The following TLK2 variants were observed in gnomAD, a reference collection of about 807,000 sequenced individuals.
TLK2 encodes the protein serine/threonine-protein kinase tousled-like 2.
In TLK2, 6 loss-of-function variants were observed where a neutral mutation model predicts 117.3. The ratio of observed to expected loss-of-function variants is 0.05; its 90% CI spans 0.03 to 0.10. The LOEUF (loss-of-function observed/expected upper bound fraction) is 0.10, where lower values mean the gene tolerates loss of function less well. Among genes scored for constraint, TLK2 ranks in the 10% least tolerant of loss-of-function variants. The pLI is 1.00. For synonymous variants in TLK2, 257 were observed against 316.7 expected, an observed-to-expected ratio of 0.81 and a Z score of 2.00; for missense variants, 299 against 901.2, an observed-to-expected ratio of 0.33 and a Z score of 8.56.
intron 2 of TLK2, among the ~76,000 whole-genome samples, chr17:62,503,637 T>TTAAACTCC (rs1490361366): frequency 6.6e-6 from 1 of 152,040 alleles, no homozygotes; most frequent in Non-Finnish European, 1.5e-5. Flanking sequence ...CAGGCTGCTC[T>TTAAACTCC]TAAACTCCTG....
rs538734262 is a variant in TLK2, at chr17:62,575,240, T to C, written c.1122-1469T>C. The stretch of plus-strand genomic sequence containing the variant: ...TTCAGTCCAGTTTTTAATTAGAGTA[T>C]CTGTGACTTGGCTCTTACTTTGACC... On this transcript the variant is annotated intron_variant, in intron 12 of 21. Coordinates refer to ENST00000346027, the MANE Select transcript of TLK2 (RefSeq NM_006852.6). Among the ~76,000 whole-genome samples, 4 of 152,356 alleles carry C rather than the reference T, an allele frequency of 2.6e-5. No individual in the cohort carries two copies. The South Asian group carries it at 8.3e-4, about 32-fold the overall frequency.
At chr17:62,546,308 C>T (rs138000457) in intron 7 of TLK2, among the ~76,000 whole-genome samples, 1 of 147,770 alleles carries the variant, frequency 6.8e-6, no homozygotes, top group African/African-American at 2.5e-5. Context: ...CCACTGCACC[C>T]GGCTGAGAAA....
rs571688985 is a variant in TLK2 at position 62,483,208 on chromosome 17, G to A, written c.81+2002G>A. Among the ~76,000 whole-genome samples the A allele has an allele frequency of 7.9e-5, 9 of 113,430 alleles. No homozygotes were observed. In the East Asian group the frequency reaches 1.3e-3, roughly 17 times the overall value. The allele number at this position is 113,430 out of a possible 152,430, so 74.4% of individuals were successfully genotyped here. A position where few individuals can be genotyped will look rare whatever the true frequency, so the allele number is the denominator to read the frequency against. ...AATGGTCCCCCCACCCCCGCCTCCC[G>A]TAAGTCAGTAAGTTTGTATTCAAAT... On this transcript the variant is annotated intron_variant, in intron 2 of 21. Coordinates refer to ENST00000346027, the MANE Select transcript of TLK2 (RefSeq NM_006852.6).
chr17:62,608,213 G>A, intron 21 of TLK2, 65 bp downstream of exon 21: 2 of 1,263,040 alleles, frequency 1.6e-6, no homozygotes, highest in Non-Finnish European at 2.3e-6. Flanking sequence ...TACTTTTTTG[G>A]GTAATAGTGG....
At chr17:62,557,051 A>T (rs1447965225) in intron 9 of TLK2, among the ~76,000 whole-genome samples, 1 of 152,194 alleles carries the variant, frequency 6.6e-6, no homozygotes, top group Non-Finnish European at 1.5e-5. Flanking sequence ...CAGCCTCCTG[A>T]ATAGCTGGGA....
At chr17:62,591,429 G>T (rs1203622491) in intron 16 of TLK2, among the ~76,000 whole-genome samples, 1 of 151,670 alleles carries the variant, frequency 6.6e-6, no homozygotes, top group African/African-American at 2.4e-5. Flanking sequence ...CATTTGCTGA[G>T]TGTCTGCAGC....
At position 62,491,820 on chromosome 17, in the gene TLK2, A is replaced by G. The variant is rs143890249; in HGVS notation, c.81+10614A>G. ...AGGATGGTCTCGATCTCCTGACCTC[A>G]TGATCCACCCGTCTTGGCCTCCCAA... On this transcript the variant is annotated intron_variant, in intron 2 of 21. Transcript: ENST00000346027. Among the ~76,000 whole-genome samples the G allele has an allele frequency of 1.7e-3, 259 of 152,288 alleles. 8 individuals carry two copies. In the East Asian group the frequency reaches 0.042, roughly 25 times the overall value.
chr17:62,476,844 G>A (rs573689364), upstream of TLK2, among the ~76,000 whole-genome samples: 4 of 152,090 alleles, frequency 2.6e-5, no homozygotes, highest in African/African-American at 9.6e-5. Context: ...CACTTTGGGA[G>A]GCTGAGATGG....
intron 14 of TLK2, among the ~76,000 whole-genome samples, chr17:62,579,058 G>T (rs1050197339): frequency 1.3e-5 from 2 of 152,118 alleles, no homozygotes. Context: ...ATTGAAACTG[G>T]GAAAAGTAGG....
chr17:62,561,627 A>T (rs1289893569), intron 10 of TLK2, among the ~76,000 whole-genome samples: 3 of 152,240 alleles, frequency 2.0e-5, no homozygotes, highest in Non-Finnish European at 2.9e-5. Context: ...AATGTTGTTA[A>T]AAAGACAGGA....
intron 12 of TLK2, among the ~76,000 whole-genome samples, chr17:62,574,767 C>T (rs574820583): frequency 9.2e-5 from 14 of 152,262 alleles, no homozygotes; most frequent in South Asian, 2.1e-4. Flanking sequence ...CCACCCTCCT[C>T]GGCCTCCCAA....
intron 16 of TLK2, among the ~76,000 whole-genome samples, chr17:62,591,439 C>G (rs1484740045): frequency 2.0e-5 from 3 of 151,806 alleles, no homozygotes; most frequent in Admixed American, 1.3e-4. Flanking sequence ...GTGTCTGCAG[C>G]AAGCTCACTT....
chr17:62,565,253 T>G (rs933689638), intron 11 of TLK2, 116 bp downstream of exon 11: 2 of 1,339,506 alleles, frequency 1.5e-6, no homozygotes, highest in Non-Finnish European at 2.0e-6. Flanking sequence ...TTCAGTTAGT[T>G]TTTTAGTCAC....
chr17:62,594,243 A>G (rs959865437), intron 16 of TLK2, among the ~76,000 whole-genome samples: 1 of 152,046 alleles, frequency 6.6e-6, no homozygotes, highest in Non-Finnish European at 1.5e-5. Context: ...CCCCCTCTCT[A>G]CTAAAAATAC....
intron 2 of TLK2, among the ~76,000 whole-genome samples, chr17:62,481,776 A>G (rs571032796): frequency 2.1e-3 from 313 of 152,232 alleles, no homozygotes; most frequent in African/African-American, 7.3e-3. Flanking sequence ...TTTCCTATGC[A>G]TGTTTATGTA....
At chr17:62,489,893 C>T (rs1006138393) in intron 2 of TLK2, among the ~76,000 whole-genome samples, 1 of 152,104 alleles carries the variant, frequency 6.6e-6, no homozygotes. Context: ...TGTGGTGGTG[C>T]GATCTCATCT....
At chr17:62,564,412 T>C (rs1433334025) in intron 10 of TLK2, among the ~76,000 whole-genome samples, 1 of 151,940 alleles carries the variant, frequency 6.6e-6, no homozygotes, top group East Asian at 1.9e-4. Flanking sequence ...GGCATGTGCC[T>C]GTAGTCCCAG....
chr17:62,602,309 TC>T (rs2082929752), intron 19 of TLK2, 129 bp downstream of exon 19: 2 of 842,616 alleles, frequency 2.4e-6, no homozygotes, highest in Non-Finnish European at 3.5e-6. Flanking sequence ...GCAGACTTTC[TC>T]CCCAAATCAT....
intron 12 of TLK2, chr17:62,574,453 A>G: frequency 1.1e-6 from 1 of 907,032 alleles, no homozygotes; most frequent in Non-Finnish European, 1.7e-6. Flanking sequence ...CATTAAGTAT[A>G]GCGATAAAAA....
Sources: gnomAD v4.1 joint callset for allele counts (sites outside exome capture counted in the v4.1 genomes callset) on GRCh38, gnomAD v4.1.1 for gene constraint, MANE v1.5 for transcripts, NCBI Gene and HGNC (gene_info 2026-07-23, HGNC 2026-07-21) for gene names.